Variants in OTOP3 observed in about 807,000 individuals in gnomAD.
OTOP3 encodes otopetrin 3, also known as proton channel OTOP3.
OTOP3 carries 41 observed loss-of-function variants against 50.8 expected under a neutral mutation model. That is an observed-to-expected ratio of 0.81 (90% CI 0.63 to 1.05). The LOEUF (loss-of-function observed/expected upper bound fraction) is 1.05. Among genes scored for constraint, OTOP3 ranks in the 50% least tolerant of loss-of-function variants. The pLI is 0.00. For missense variants in OTOP3, 788 were observed against 760.8 expected (o/e 1.04, Z -0.42); for synonymous variants, 320 against 324.4 (o/e 0.99, Z 0.14).
At position 74,941,481 on chromosome 17, in the gene OTOP3, C is replaced by G; in HGVS notation, c.108C>G (p.Ala36=). ...PEKENRVDVG[A]EERAAATRPR... ...AGGAGAACCGAGTGGATGTGGGGGC[C>G]GAGGAGAGAGCGGCCGCCACCCGGC... The change falls in exon 2 of 7, where the codon GCC becomes GCG. Residue 36 remains alanine, a synonymous_variant. Transcript: ENST00000328801. The G allele has an allele frequency of 6.2e-7, 1 of 1,610,780 alleles. No individual in the cohort carries two copies. The highest frequency in any genetic ancestry group is 2.2e-5 in the East Asian group (1 of 44,850).
At chr17:74,946,253 C>A (rs1393080232) in intron 5 of OTOP3, among the ~76,000 whole-genome samples, 1 of 152,216 alleles carries the variant, frequency 6.6e-6, no homozygotes, top group East Asian at 1.9e-4. Context: ...GTTGGGATTA[C>A]AGGCATGAAC....
chr17:74,942,281 C>T (rs73363066), intron 3 of OTOP3, among the ~76,000 whole-genome samples: 2,427 of 152,298 alleles, frequency 0.016, 64 homozygotes, highest in African/African-American at 0.055. Context: ...GCTGTCTATG[C>T]GTATGTAGGC....
chr17:74,945,517 C>T (rs2039217548), intron 5 of OTOP3, among the ~76,000 whole-genome samples: 1 of 152,202 alleles, frequency 6.6e-6, no homozygotes, highest in Admixed American at 6.5e-5. Context: ...ACATCCCTCT[C>T]CCCTACTTTT....
At chr17:74,935,817 C>T (rs201177829), upstream of OTOP3, 1,367 of 1,515,966 alleles carry the variant, frequency 9.0e-4, 1 homozygote, top group Admixed American at 1.4e-3. Context: ...CCGCGGAGCC[C>T]GAGCGGCGGC....
chr17:74,936,666 G>A (rs905601757), intron 1 of OTOP3, among the ~76,000 whole-genome samples: 6 of 152,146 alleles, frequency 3.9e-5, no homozygotes, highest in African/African-American at 1.4e-4. Flanking sequence ...GGTGGGAGAC[G>A]GGGGATACTG....
intron 3 of OTOP3, 84 bp from the exon 4 acceptor site, chr17:74,943,201 TA>T: frequency 8.4e-7 from 1 of 1,196,180 alleles, no homozygotes. Context: ...TCTTTCACTG[TA>T]AATACACGCA....
In OTOP3 at chr17:74,946,984, GC is replaced by G. The variant is rs1191583005; in HGVS notation, c.1077del (p.Phe360SerfsTer9). On this transcript the variant is annotated frameshift_variant, in exon 6 of 7. Coordinates refer to ENST00000328801, the MANE Select transcript of OTOP3 (RefSeq NM_001272005.2). LOFTEE classifies it high-confidence loss of function. ...IACQYFTLYY[A>X]FYVAVLPTMS... ...TTGCCAGTACTTCACCCTCTACTAT[GC>G]CTTCTATGTGGCTGTGCTGCCCACC... The G allele has an allele frequency of 1.9e-6, 3 of 1,613,666 alleles. No homozygotes were observed. In the African/African-American group the frequency reaches 4.0e-5, roughly 22 times the overall value.
Position 74,946,643 on chromosome 17 carries a change from A to G in OTOP3, c.752-18A>G. On this transcript the variant is annotated intron_variant, in intron 5 of 6. Transcript: ENST00000328801. Reference sequence around the variant, plus strand: ...GCCTGCCTGAATGTCTGTCCCTCCCACCCTGCCTCCCTCCCAGGCAATGAG... The same window carrying G: ...GCCTGCCTGAATGTCTGTCCCTCCCGCCCTGCCTCCCTCCCAGGCAATGAG... 1 of 1,587,206 alleles carries G rather than the reference A, an allele frequency of 6.3e-7. No homozygotes were observed. The highest frequency in any genetic ancestry group is 8.6e-7 in the Non-Finnish European group (1 of 1,164,150).
chr17:74,938,283 GT>G, intron 1 of OTOP3, among the ~76,000 whole-genome samples: 1 of 152,228 alleles, frequency 6.6e-6, no homozygotes, highest in East Asian at 1.9e-4. Flanking sequence ...GCCAGATATG[GT>G]GAGAGTCTTC....
At position 74,948,009 on chromosome 17, in the gene OTOP3, C is replaced by A. The variant is rs185093064; in HGVS notation, c.1566+534C>A. On this transcript the variant is annotated intron_variant, in intron 6 of 6. Transcript: ENST00000328801. ...TGTAAGTGGCAGGGCTGGGACAACT[C>A]AGGGTTGTGTTTGACTCCAAGCAAT... Among the ~76,000 whole-genome samples, 10 of 152,286 alleles carry A rather than the reference C, an allele frequency of 6.6e-5. No individual in the cohort carries two copies. In the East Asian group the frequency reaches 7.7e-4, roughly 12 times the overall value.
chr17:74,936,961 C>CGGTG, intron 1 of OTOP3, among the ~76,000 whole-genome samples: 1 of 101,322 alleles, frequency 9.9e-6, no homozygotes, highest in South Asian at 3.6e-4. Context: ...CCCCCCCACC[C>CGGTG]TTTTTTTTTT....
Position 74,946,991 on chromosome 17 carries a change from A to G in OTOP3, c.1082A>G (p.Tyr361Cys), listed in dbSNP as rs775075276. The G allele has an allele frequency of 3.7e-6, 6 of 1,613,734 alleles. No homozygotes were observed. The Admixed American group carries it at 6.7e-5, about 18-fold the overall frequency. The change falls in exon 6 of 7, where the codon TAT becomes TGT. Residue 361 changes from tyrosine to cysteine, a missense_variant. Transcript: ENST00000328801. ...CQYFTLYYAF[Y>C]VAVLPTMSLA... ...TACTTCACCCTCTACTATGCCTTCTATGTGGCTGTGCTGCCCACCATGAGT... is the reference window on the plus strand; with the variant it reads ...TACTTCACCCTCTACTATGCCTTCTGTGTGGCTGTGCTGCCCACCATGAGT...
chr17:74,939,450 G>C (rs1372771988), intron 1 of OTOP3, among the ~76,000 whole-genome samples: 2 of 152,102 alleles, frequency 1.3e-5, no homozygotes, highest in African/African-American at 4.8e-5. Context: ...AGCCTTCTGG[G>C]TCAGCTCAGC....
At chr17:74,943,059 C>T (rs1282724059) in intron 3 of OTOP3, among the ~76,000 whole-genome samples, 1 of 152,222 alleles carries the variant, frequency 6.6e-6, no homozygotes, top group African/African-American at 2.4e-5. Flanking sequence ...AAAGCACTTC[C>T]CCAAAGGGTG....
At chr17:74,936,010 C>T (rs1406220132) in intron 1 of OTOP3, 70 bp downstream of exon 1, 29 of 1,531,594 alleles carry the variant, frequency 1.9e-5, no homozygotes, top group Non-Finnish European at 2.3e-5. Flanking sequence ...CTACCCACCC[C>T]CCCAAAAGGG....
chr17:74,940,285 G>A (rs1017697096), intron 1 of OTOP3, among the ~76,000 whole-genome samples: 10 of 151,536 alleles, frequency 6.6e-5, no homozygotes, highest in African/African-American at 2.2e-4. Flanking sequence ...GAGATTACAG[G>A]CATCAGCCAC....
At position 74,938,866 on chromosome 17, in the gene OTOP3, T is replaced by C. The variant is rs1028943707; in HGVS notation, c.20-2527T>C. Reference sequence around the variant, plus strand: ...GAAGGGGGCCCAGACTAGGTAGTGGTTGAGGTCAAGAAAAATCAGGGCCAG... The same window carrying C: ...GAAGGGGGCCCAGACTAGGTAGTGGCTGAGGTCAAGAAAAATCAGGGCCAG... On this transcript the variant is annotated intron_variant, in intron 1 of 6. Transcript: ENST00000328801. 2.6e-5 allele frequency among the ~76,000 whole-genome samples: 4 copies of C among 151,980 alleles called. No individual in the cohort carries two copies. In the East Asian group the frequency reaches 7.7e-4, roughly 29 times the overall value.
In OTOP3 at chr17:74,949,427, C is replaced by T. The variant is rs761474516; in HGVS notation, c.*11C>T. On this transcript the variant is annotated 3_prime_UTR_variant, in exon 7 of 7. Coordinates refer to ENST00000328801, the MANE Select transcript of OTOP3 (RefSeq NM_001272005.2). ...TACCTGGGGGCCTGAGGCTGCCCAC[C>T]CCCGGCAGAACCTCGAAGTGCCAAG... 1.0e-4 allele frequency: 169 copies of T among 1,610,444 alleles called. No homozygotes were observed. The highest frequency in any genetic ancestry group is 1.3e-4 in the Non-Finnish European group (159 of 1,178,700).
chr17:74,941,736 T>C lies in OTOP3; in HGVS notation c.363T>C (p.Tyr121=), dbSNP rs2039176490. Residue 121 remains tyrosine (Y), a synonymous_variant, in exon 2 of 7, where the codon TAT becomes TAC. Coordinates refer to ENST00000328801, the MANE Select transcript of OTOP3 (RefSeq NM_001272005.2). ...KVLSLLWLLY[Y]VASTTRRPHA... is the part of the protein sequence containing the mutation. ...TCTCCCTGCTTTGGCTTCTCTACTA[T>C]GTGGCAAGCACCACCCGCCGACCAC... The C allele has an allele frequency of 9.9e-6, 16 of 1,613,764 alleles. No individual in the cohort carries two copies. The East Asian group carries it at 3.1e-4, about 31-fold the overall frequency.
Sources: allele counts gnomAD v4.1 joint callset (sites outside exome capture counted in the v4.1 genomes callset), GRCh38; gene constraint gnomAD v4.1.1; transcripts MANE v1.5; gene names NCBI Gene and HGNC (gene_info 2026-07-23, HGNC 2026-07-21).